Variants in HPSE2 observed in about 807,000 individuals in gnomAD.
HPSE2 encodes inactive heparanase-2.
In HPSE2, 38 loss-of-function variants were observed where a neutral mutation model predicts 60.5. The ratio of observed to expected loss-of-function variants is 0.63; its 90% CI spans 0.48 to 0.82. The LOEUF is 0.82. Among genes scored for constraint, HPSE2 ranks in the 40% least tolerant of loss-of-function variants. The pLI is 0.00. For synonymous variants in HPSE2, 295 were observed against 293.2 expected, an observed-to-expected ratio of 1.01 and a Z score of -0.06; for missense variants, 713 against 740.4, an observed-to-expected ratio of 0.96 and a Z score of 0.43.
intron 3 of HPSE2, among the ~76,000 whole-genome samples, chr10:98,947,715 G>C (rs1955228962): frequency 7.4e-6 from 1 of 134,624 alleles, no homozygotes; most frequent in African/African-American, 2.5e-5. Flanking sequence ...TTTATGAACA[G>C]GACTGCCCCT....
intron 9 of HPSE2, among the ~76,000 whole-genome samples, chr10:98,535,588 C>T (rs1564947595): frequency 6.6e-6 from 1 of 152,244 alleles, no homozygotes. Flanking sequence ...CTCCTCTAAG[C>T]GTATACTATT....
At chr10:99,217,870 G>A (rs905456672) in intron 2 of HPSE2, among the ~76,000 whole-genome samples, 1 of 152,062 alleles carries the variant, frequency 6.6e-6, no homozygotes, top group Admixed American at 6.5e-5. Context: ...TCAGATGTGA[G>A]CCACTGTGCC....
chr10:99,171,818 T>TAA (rs531695936), intron 2 of HPSE2, among the ~76,000 whole-genome samples: 1 of 146,146 alleles, frequency 6.8e-6, no homozygotes, highest in African/African-American at 2.5e-5. Context: ...ATTCTGTGAC[T>TAA]AAAAAAAAAA....
At chr10:98,910,997 A>C (rs1953962371) in intron 3 of HPSE2, among the ~76,000 whole-genome samples, 1 of 152,220 alleles carries the variant, frequency 6.6e-6, no homozygotes, top group Non-Finnish European at 1.5e-5. Flanking sequence ...AACATAAAAA[A>C]TCAGAATAGA....
chr10:98,963,125 C>T (rs1411719469), intron 3 of HPSE2, among the ~76,000 whole-genome samples: 4 of 152,136 alleles, frequency 2.6e-5, no homozygotes, highest in African/African-American at 7.2e-5. Context: ...ATTCTCATTA[C>T]TCACTATTTA....
rs550533563 is a variant in HPSE2 at position 98,568,612 on chromosome 10, C to T, written c.1320+46292G>A. Among the ~76,000 whole-genome samples, 55 of 152,296 alleles carry T rather than the reference C, an allele frequency of 3.6e-4. No homozygotes were observed. In the South Asian group the frequency reaches 0.011, roughly 29 times the overall value. ...GTGGCCTTGTTATCTTCTTTGAAACCCTGGTTGACTTCTCTTTCTCTCTAG... is the reference window on the plus strand; with the variant it reads ...GTGGCCTTGTTATCTTCTTTGAAACTCTGGTTGACTTCTCTTTCTCTCTAG... On this transcript the variant is annotated intron_variant, in intron 9 of 11. Transcript: ENST00000370552.
chr10:98,801,873 A>G (rs1950917171), intron 3 of HPSE2, among the ~76,000 whole-genome samples: 1 of 152,156 alleles, frequency 6.6e-6, no homozygotes, highest in Admixed American at 6.5e-5. Flanking sequence ...CAGAAGATCC[A>G]GAATAGCCGA....
chr10:99,189,869 CCA>C (rs1247229910), intron 2 of HPSE2, among the ~76,000 whole-genome samples: 1 of 152,144 alleles, frequency 6.6e-6, no homozygotes, highest in Non-Finnish European at 1.5e-5. Flanking sequence ...AATGAATTGA[CCA>C]CACTGTCTGA....
chr10:98,734,120 T>A (rs1453907677), intron 4 of HPSE2, among the ~76,000 whole-genome samples: 1 of 152,238 alleles, frequency 6.6e-6, no homozygotes, highest in Non-Finnish European at 1.5e-5. Context: ...TGTTGTCTTT[T>A]GTGACTGGAT....
At position 98,458,488 on chromosome 10, in the gene HPSE2, A is replaced by C. The variant is rs1940140848; in HGVS notation, c.*1086T>G. The stretch of plus-strand genomic sequence containing the variant: ...TATTCTCTCCCAAAATGGCTAACAA[A>C]GTTTTGTTCTAGCTCAAATAGGCTA... On this transcript the variant is annotated 3_prime_UTR_variant, in exon 12 of 12. Transcript: ENST00000370552. The C allele has an allele frequency of 6.6e-6, 1 of 152,172 alleles. No individual in the cohort carries two copies. Among genetic ancestry groups the C allele is most frequent in the African/African-American group, 2.4e-5 (1 of 41,438 alleles). The allele number at this position is 152,172 out of a possible 1,614,324, so 9.4% of individuals were successfully genotyped here. A position where few individuals can be genotyped will look rare whatever the true frequency, so the allele number is the denominator to read the frequency against.
At chr10:99,315,233 C>A in the HPSE2 span, among the ~76,000 whole-genome samples, 850 of 152,306 alleles carry the variant, frequency 5.6e-3, 5 homozygotes, top group Non-Finnish European at 8.9e-3. Flanking sequence ...CCACAAGGTG[C>A]ATGACAGTTC....
intron 3 of HPSE2, among the ~76,000 whole-genome samples, chr10:98,915,369 G>A (rs1304343715): frequency 6.6e-6 from 1 of 151,942 alleles, no homozygotes; most frequent in African/African-American, 2.4e-5. Flanking sequence ...GGATGGTCTT[G>A]ATCTCCTGAC....
At chr10:99,257,312 C>T in the HPSE2 span, among the ~76,000 whole-genome samples, 470 of 152,246 alleles carry the variant, frequency 3.1e-3, 4 homozygotes, top group African/African-American at 0.01. Context: ...GCTGGTGAGC[C>T]GGGCAGAACA....
intron 3 of HPSE2, among the ~76,000 whole-genome samples, chr10:98,774,854 A>T (rs1269443057): frequency 6.6e-6 from 1 of 152,144 alleles, no homozygotes; most frequent in Non-Finnish European, 1.5e-5. Flanking sequence ...GGGACTCTTT[A>T]GAGTTCATTG....
chr10:98,654,967 A>C (rs1370416944), intron 6 of HPSE2, among the ~76,000 whole-genome samples: 1 of 152,080 alleles, frequency 6.6e-6, no homozygotes, highest in Non-Finnish European at 1.5e-5. Context: ...CTCTTCAGAG[A>C]GAATTTGTGT....
rs182118995 is a variant in HPSE2 at position 98,473,253 on chromosome 10, G to A, written c.1613+9383C>T. Among the ~76,000 whole-genome samples, 15 of 152,206 alleles carry A rather than the reference G, an allele frequency of 9.9e-5. No homozygotes were observed. In the East Asian group the frequency reaches 2.7e-3, roughly 27 times the overall value. On this transcript the variant is annotated intron_variant, in intron 11 of 11. Transcript: ENST00000370552. ...TAGTCCTAGCACTCTGGGAGGCCGAGATGGGTGGATCACCTGAGGTCAGGA... is the reference window on the plus strand; with the variant it reads ...TAGTCCTAGCACTCTGGGAGGCCGAAATGGGTGGATCACCTGAGGTCAGGA...
chr10:98,462,656 G>A (rs1012994363), intron 11 of HPSE2, among the ~76,000 whole-genome samples: 13 of 149,844 alleles, frequency 8.7e-5, no homozygotes, highest in African/African-American at 1.3e-4. Context: ...TTTTGTTTTC[G>A]TTTTTGTTTT....
At chr10:99,303,255 C>T in the HPSE2 span, among the ~76,000 whole-genome samples, 14 of 152,264 alleles carry the variant, frequency 9.2e-5, no homozygotes, top group East Asian at 2.7e-3. Flanking sequence ...ACCAACAGCC[C>T]TTTCATGTGT....
the HPSE2 span, among the ~76,000 whole-genome samples, chr10:99,264,913 A>C: frequency 6.6e-6 from 1 of 151,976 alleles, no homozygotes; most frequent in Admixed American, 6.6e-5. Context: ...ATCGCCCGTT[A>C]TCTCTCCATA....
Sources: allele counts gnomAD v4.1 joint callset (sites outside exome capture counted in the v4.1 genomes callset), GRCh38; gene constraint gnomAD v4.1.1; transcripts MANE v1.5; gene names NCBI Gene and HGNC (gene_info 2026-07-23, HGNC 2026-07-21).